The following TFB1M variants were observed in gnomAD, a reference collection of about 807,000 sequenced individuals.
The protein encoded by TFB1M is transcription factor B1, mitochondrial.
In TFB1M, 27 loss-of-function variants were observed where a neutral mutation model predicts 31.1. The observed-to-expected ratio is 0.87, with a 90% CI of 0.64 to 1.20. The LOEUF is 1.20. Among genes scored for constraint, TFB1M ranks in the 50% most tolerant of loss-of-function variants. The pLI is 0.00. For missense variants in TFB1M, 394 were observed against 418.7 expected (o/e 0.94, Z 0.51); for synonymous variants, 166 against 151.8 (o/e 1.09, Z -0.69).
chr6:155,236,186 C>T, the TFB1M span, among the ~76,000 whole-genome samples: 3 of 151,812 alleles, frequency 2.0e-5, no homozygotes, highest in African/African-American at 4.8e-5. Flanking sequence ...GCTGTGATTC[C>T]GTCAATTTCC....
chr6:155,232,667 G>A, the TFB1M span: 1 of 152,196 alleles, frequency 6.6e-6, no homozygotes, highest in Non-Finnish European at 1.5e-5. Flanking sequence ...TCAGGATTCA[G>A]TCCAGGCCTA....
At chr6:155,306,876 C>T (rs775493694) in intron 2 of TFB1M, among the ~76,000 whole-genome samples, 1 of 152,094 alleles carries the variant, frequency 6.6e-6, no homozygotes, top group African/African-American at 2.4e-5. Context: ...ATCCCAGCAT[C>T]TTGGGAGACT....
chr6:155,250,035 A>G, the TFB1M span: 4 of 1,240,200 alleles, frequency 3.2e-6, no homozygotes, highest in Admixed American at 9.0e-5. Flanking sequence ...GTGACCTTCT[A>G]GATAGGCTGC....
intron 2 of TFB1M, among the ~76,000 whole-genome samples, chr6:155,309,644 G>A (rs112476749): frequency 0.012 from 1,857 of 152,280 alleles, 33 homozygotes; most frequent in Non-Finnish European, 0.015. Context: ...CGAATGGTGA[G>A]ATATGAGGGA....
At chr6:155,286,639 G>A (rs1388861400) in intron 4 of TFB1M, among the ~76,000 whole-genome samples, 3 of 132,058 alleles carry the variant, frequency 2.3e-5, no homozygotes, top group Non-Finnish European at 3.3e-5. Flanking sequence ...GTGCATATAT[G>A]TGTGTGTGTG....
intron 5 of TFB1M, among the ~76,000 whole-genome samples, chr6:155,281,385 A>G (rs901080550): frequency 3.9e-5 from 6 of 152,168 alleles, no homozygotes; most frequent in African/African-American, 1.4e-4. Flanking sequence ...CAACTCTCAT[A>G]ATATAACTAA....
downstream of TFB1M, chr6:155,253,237 G>C (rs1335435213): frequency 5.8e-6 from 3 of 520,788 alleles, no homozygotes; most frequent in Non-Finnish European, 1.0e-5. Flanking sequence ...CTAAATGCTG[G>C]TGGATAGCTT....
intron 5 of TFB1M, chr6:155,276,357 A>C: frequency 1.2e-6 from 2 of 1,613,166 alleles, no homozygotes; most frequent in Non-Finnish European, 1.7e-6. Flanking sequence ...AATTCCACAC[A>C]CAATCTGAAG....
chr6:155,308,162 C>T (rs1204355557), intron 2 of TFB1M, among the ~76,000 whole-genome samples: 1 of 152,102 alleles, frequency 6.6e-6, no homozygotes, highest in East Asian at 1.9e-4. Context: ...AAAAATGTAA[C>T]AAGAAACAAC....
intron 2 of TFB1M, among the ~76,000 whole-genome samples, chr6:155,307,496 T>C (rs1232230528): frequency 6.6e-6 from 1 of 152,046 alleles, no homozygotes; most frequent in Non-Finnish European, 1.5e-5. Context: ...TCCACTATCA[T>C]GAGAACAGCA....
Position 155,280,056 on chromosome 6 carries a change from G to T in TFB1M, c.666+5102C>A, listed in dbSNP as rs79914806. Among the ~76,000 whole-genome samples the T allele has an allele frequency of 8.2e-3, 1,250 of 152,152 alleles. 18 individuals carry two copies. Among genetic ancestry groups the T allele is most frequent in the African/African-American group, 0.029 (1,189 of 41,482 alleles). On this transcript the variant is annotated intron_variant, in intron 5 of 6. Coordinates refer to ENST00000367166, the MANE Select transcript of TFB1M (RefSeq NM_016020.4). ...ATAAAAACAACTGATAAAGATGAAA[G>T]ACTAAAGTTACAAACAAAAAGAAGA...
At chr6:155,243,940 G>T in the TFB1M span, 2 of 1,256,662 alleles carry the variant, frequency 1.6e-6, no homozygotes. Flanking sequence ...CTGCCAGGTT[G>T]CTGCTACCCA....
At chr6:155,248,185 G>A in the TFB1M span, 5 of 1,611,252 alleles carry the variant, frequency 3.1e-6, no homozygotes, top group Admixed American at 8.3e-5. Context: ...GACGGGTGAG[G>A]CGGCGGCGGC....
the TFB1M span, among the ~76,000 whole-genome samples, chr6:155,236,077 C>T: frequency 5.2e-4 from 79 of 152,124 alleles, no homozygotes; most frequent in Non-Finnish European, 9.6e-4. Flanking sequence ...AATCCCAGTA[C>T]AGAGATTTCA....
intron 5 of TFB1M, among the ~76,000 whole-genome samples, chr6:155,281,006 C>T (rs1252147377): frequency 1.3e-5 from 2 of 152,150 alleles, no homozygotes; most frequent in Non-Finnish European, 2.9e-5. Context: ...GTAACTTGTT[C>T]TATATACCAC....
At chr6:155,241,317 G>A in the TFB1M span, among the ~76,000 whole-genome samples, 228 of 152,220 alleles carry the variant, frequency 1.5e-3, 1 homozygote, top group Non-Finnish European at 1.7e-3. Context: ...AGCCTGGGGA[G>A]CAGAGTTCTT....
intron 5 of TFB1M, among the ~76,000 whole-genome samples, chr6:155,266,673 C>T (rs1164262588): frequency 4.0e-5 from 6 of 151,732 alleles, no homozygotes; most frequent in African/African-American, 7.3e-5. Flanking sequence ...GGTGAAACCC[C>T]GTCTCTACTA....
chr6:155,276,888 T>C (rs1431475333), intron 5 of TFB1M, among the ~76,000 whole-genome samples: 1 of 152,208 alleles, frequency 6.6e-6, no homozygotes, highest in Non-Finnish European at 1.5e-5. Flanking sequence ...AAACCATCCA[T>C]CCCAAGTCCC....
chr6:155,262,220 G>A (rs1784425426), intron 5 of TFB1M, among the ~76,000 whole-genome samples: 1 of 152,074 alleles, frequency 6.6e-6, no homozygotes, highest in Non-Finnish European at 1.5e-5. Context: ...GGCAGTTCTG[G>A]GGAAGGAAAA....
Sources: allele counts gnomAD v4.1 joint callset (sites outside exome capture counted in the v4.1 genomes callset), GRCh38; gene constraint gnomAD v4.1.1; transcripts MANE v1.5; gene names NCBI Gene and HGNC (gene_info 2026-07-23, HGNC 2026-07-21).